Variants in SCN11A observed in about 807,000 individuals in gnomAD.
The protein encoded by SCN11A is sodium voltage-gated channel alpha subunit 11, also known as sodium channel protein type 11 subunit alpha.
Under a neutral mutation model 162.2 loss-of-function variants are expected in SCN11A, and 122 were observed. The ratio of observed to expected loss-of-function variants is 0.75; its 90% CI spans 0.65 to 0.87. SCN11A has a LOEUF of 0.87. Ranked by LOEUF, SCN11A falls within the 40% of genes least tolerant of loss-of-function variation. SCN11A has a pLI of 0.00. For synonymous variants in SCN11A, 758 were observed against 751.5 expected, an observed-to-expected ratio of 1.01 and a Z score of -0.14; for missense variants, 2,015 against 2,181.6, an observed-to-expected ratio of 0.92 and a Z score of 1.52.
intron 2 of SCN11A, among the ~76,000 whole-genome samples, chr3:38,978,924 C>T (rs1222631170): frequency 6.6e-6 from 1 of 152,124 alleles, no homozygotes; most frequent in Non-Finnish European, 1.5e-5. Context: ...ACCTTCTTCC[C>T]CATCATGTTT....
rs554664421 is a variant in SCN11A at position 38,891,527 on chromosome 3, A to C, written c.2835+3006T>G. 4.7e-3 allele frequency among the ~76,000 whole-genome samples: 720 copies of C among 152,334 alleles called. 2 individuals are homozygous for C. Among genetic ancestry groups the C allele is most frequent in the Middle Eastern group, 6.8e-3 (2 of 294 alleles). On this transcript the variant is annotated intron_variant, in intron 19 of 29. Coordinates refer to ENST00000302328, the MANE Select transcript of SCN11A (RefSeq NM_001349253.2). ...TCGAAAACATTAATCTACACGTCTTAGTCCAATTTATGCTGCTATAATAGA... is the reference window on the plus strand; with the variant it reads ...TCGAAAACATTAATCTACACGTCTTCGTCCAATTTATGCTGCTATAATAGA...
At chr3:38,932,452 A>G (rs1384413726) in intron 7 of SCN11A, among the ~76,000 whole-genome samples, 1 of 152,200 alleles carries the variant, frequency 6.6e-6, no homozygotes, top group East Asian at 1.9e-4. Context: ...GGGGTCAGGG[A>G]GTTCCCTTTC....
At chr3:39,013,163 A>G (rs1282040131) in intron 2 of SCN11A, among the ~76,000 whole-genome samples, 1 of 152,238 alleles carries the variant, frequency 6.6e-6, no homozygotes, top group African/African-American at 2.4e-5. Context: ...ATTTTAAAAA[A>G]CAACCAAATG....
At chr3:38,889,689 A>G (rs977595341) in intron 19 of SCN11A, among the ~76,000 whole-genome samples, 32 of 151,134 alleles carry the variant, frequency 2.1e-4, no homozygotes, top group African/African-American at 7.3e-4. Context: ...CATCCCAGCT[A>G]CTCGGGAGGC....
intron 21 of SCN11A, among the ~76,000 whole-genome samples, chr3:38,883,838 T>C (rs2065350350): frequency 6.6e-6 from 1 of 152,114 alleles, no homozygotes; most frequent in South Asian, 2.1e-4. Context: ...GCCACTGAGG[T>C]TTTGTAGTTG....
intron 2 of SCN11A, among the ~76,000 whole-genome samples, chr3:38,968,005 AT>A (rs1195814723): frequency 3.9e-5 from 6 of 152,256 alleles, no homozygotes; most frequent in African/African-American, 1.4e-4. Flanking sequence ...TAGTATAAGC[AT>A]AAAAGAAAGC....
chr3:38,900,126 T>A (rs1279808123), intron 16 of SCN11A, 53 bp from the exon 17 acceptor site: 10 of 1,428,346 alleles, frequency 7.0e-6, no homozygotes, highest in African/African-American at 1.4e-5. Flanking sequence ...ATAACACTTT[T>A]AAGAATGGCC....
chr3:38,896,687 C>G (rs984149971), intron 18 of SCN11A, among the ~76,000 whole-genome samples, 158 bp downstream of exon 18: 2 of 151,944 alleles, frequency 1.3e-5, no homozygotes, highest in African/African-American at 4.8e-5. Flanking sequence ...GCTTATCATA[C>G]TTTTCTCAAA....
chr3:39,037,047 A>T (rs929909660), intron 1 of SCN11A, among the ~76,000 whole-genome samples: 6 of 152,256 alleles, frequency 3.9e-5, no homozygotes, highest in African/African-American at 1.4e-4. Context: ...AGCTCTACTC[A>T]TAATAGCCAA....
chr3:39,040,098 T>C (rs2032008229), intron 1 of SCN11A, among the ~76,000 whole-genome samples: 1 of 152,174 alleles, frequency 6.6e-6, no homozygotes, highest in Admixed American at 6.5e-5. Context: ...AAAGCTGTTG[T>C]TCCAGGCAAG....
chr3:39,022,582 G>A (rs1344276689), intron 2 of SCN11A, among the ~76,000 whole-genome samples: 1 of 152,112 alleles, frequency 6.6e-6, no homozygotes, highest in African/African-American at 2.4e-5. Flanking sequence ...CAGATCCTGA[G>A]TTAAACACAG....
At chr3:38,902,084 C>T (rs982662330) in intron 16 of SCN11A, among the ~76,000 whole-genome samples, 3 of 152,176 alleles carry the variant, frequency 2.0e-5, no homozygotes, top group African/African-American at 7.2e-5. Flanking sequence ...GAAGCCCTGT[C>T]CACAGAGATG....
intron 8 of SCN11A, 38 bp downstream of exon 8, chr3:38,926,765 A>C: frequency 6.3e-7 from 1 of 1,598,526 alleles, no homozygotes; most frequent in South Asian, 1.1e-5. Context: ...CTTCTTTCCC[A>C]CTCCAAGTCT....
At chr3:38,940,169 A>G (rs2125568150) in intron 7 of SCN11A, among the ~76,000 whole-genome samples, 1 of 152,060 alleles carries the variant, frequency 6.6e-6, no homozygotes, top group Middle Eastern at 3.4e-3. Context: ...TCACAAACAA[A>G]TTTAACAAGA....
chr3:38,933,510 A>G (rs2066279059), intron 7 of SCN11A, among the ~76,000 whole-genome samples: 1 of 152,206 alleles, frequency 6.6e-6, no homozygotes, highest in South Asian at 2.1e-4. Context: ...TAGAATAACC[A>G]ATACAGAGAA....
At position 38,846,327 on chromosome 3, in the gene SCN11A, T is replaced by C. The variant is rs1380011764; in HGVS notation, c.*367A>G. The C allele has an allele frequency of 5.2e-6, 1 of 193,180 alleles. No individual in the cohort carries two copies. The highest frequency in any genetic ancestry group is 1.2e-4 in the East Asian group (1 of 8,550). 12.0% of individuals were successfully genotyped at this position (193,180 alleles called of 1,614,324 possible). A position where few individuals can be genotyped will look rare whatever the true frequency, so the allele number is the denominator to read the frequency against. On this transcript the variant is annotated 3_prime_UTR_variant, in exon 30 of 30. Coordinates refer to ENST00000302328, the MANE Select transcript of SCN11A (RefSeq NM_001349253.2). The stretch of plus-strand genomic sequence containing the variant: ...CGGAGTTTCATCATGTTGGCCAGGA[T>C]GGTCTCGATCTCTTGACCTCGTGAT...
chr3:38,849,726 T>G (rs1205094974), intron 29 of SCN11A: 1 of 152,214 alleles, frequency 6.6e-6, no homozygotes, highest in Non-Finnish European at 1.5e-5. Flanking sequence ...AAAGTTGATG[T>G]GTGTATGTGT....
intron 7 of SCN11A, among the ~76,000 whole-genome samples, chr3:38,932,431 G>A (rs925056548): frequency 4.6e-5 from 7 of 152,214 alleles, no homozygotes; most frequent in African/African-American, 1.2e-4. Flanking sequence ...TGCCTCACTC[G>A]GGAAGCACAA....
At chr3:38,971,362 C>T (rs951326918) in intron 2 of SCN11A, among the ~76,000 whole-genome samples, 1 of 152,108 alleles carries the variant, frequency 6.6e-6, no homozygotes, top group Non-Finnish European at 1.5e-5. Flanking sequence ...ACTCCCTTTA[C>T]CCTAGAGGTA....
Sources: allele counts gnomAD v4.1 joint callset (sites outside exome capture counted in the v4.1 genomes callset), GRCh38; gene constraint gnomAD v4.1.1; transcripts MANE v1.5; gene names NCBI Gene and HGNC (gene_info 2026-07-23, HGNC 2026-07-21).